Variants in PRKCH observed in about 807,000 individuals in gnomAD.
PRKCH encodes protein kinase C eta.
In PRKCH, 28 loss-of-function variants were observed where a neutral mutation model predicts 82.5. That is an observed-to-expected ratio of 0.34 (90% CI 0.25 to 0.47). PRKCH has a LOEUF of 0.47. Ranked by LOEUF, PRKCH falls within the 20% of genes least tolerant of loss-of-function variation. PRKCH has a pLI of 1.00. For missense variants in PRKCH, 705 were observed against 881.8 expected (o/e 0.80, Z 2.54); for synonymous variants, 322 against 327.4 (o/e 0.98, Z 0.18).
intron 1 of PRKCH, among the ~76,000 whole-genome samples, chr14:61,261,950 G>A (rs957889923): frequency 1.3e-5 from 2 of 151,906 alleles, no homozygotes; most frequent in African/African-American, 4.8e-5. Context: ...CACCGGGCAC[G>A]GTAGCTCACG....
chr14:61,528,214 G>C (rs944268873), intron 10 of PRKCH, among the ~76,000 whole-genome samples: 2 of 147,152 alleles, frequency 1.4e-5, no homozygotes, highest in Non-Finnish European at 3.0e-5. Context: ...TCATTTTAGA[G>C]ACAGGGTCTC....
chr14:61,350,552 T>G (rs2046058985), intron 1 of PRKCH, among the ~76,000 whole-genome samples: 1 of 152,126 alleles, frequency 6.6e-6, no homozygotes, highest in Admixed American at 6.5e-5. Context: ...GGCTAGAAAT[T>G]ACAACAGAGA....
chr14:61,442,264 G>A (rs1884009930), intron 2 of PRKCH, among the ~76,000 whole-genome samples: 1 of 152,180 alleles, frequency 6.6e-6, no homozygotes, highest in Non-Finnish European at 1.5e-5. Context: ...AGAAGCCACT[G>A]TTTTAAAAGC....
At chr14:61,505,395 C>CTTTTTTTTTTTTTTTTTTTTTTTTTTT (rs60304150) in intron 10 of PRKCH, among the ~76,000 whole-genome samples, 13 of 55,766 alleles carry the variant, frequency 2.3e-4, no homozygotes, top group Admixed American at 3.0e-4. Flanking sequence ...CTTTTCTTTT[C>CTTTTTTTTTTTTTTTTTTTTTTTTTTT]TTTTTTTTTT....
At chr14:61,298,665 T>C (rs2045424340) in intron 1 of PRKCH, 1 of 152,240 alleles carries the variant, frequency 6.6e-6, no homozygotes, top group Admixed American at 6.5e-5. Flanking sequence ...AACTTTGTCA[T>C]GTGGCCCTGT....
chr14:61,286,071 C>CAA (rs2045311383), intron 1 of PRKCH, among the ~76,000 whole-genome samples: 1 of 152,194 alleles, frequency 6.6e-6, no homozygotes, highest in South Asian at 2.1e-4. Context: ...TCTGGCTGTT[C>CAA]TCAGTTTTTG....
At chr14:61,374,271 G>A (rs573772564) in intron 1 of PRKCH, among the ~76,000 whole-genome samples, 42 of 152,156 alleles carry the variant, frequency 2.8e-4, no homozygotes, top group Non-Finnish European at 5.6e-4. Flanking sequence ...CAGCCCCTGC[G>A]ACTGCTTTCG....
intron 2 of PRKCH, among the ~76,000 whole-genome samples, chr14:61,437,109 A>G (rs546437433): frequency 1.3e-5 from 2 of 152,390 alleles, no homozygotes; most frequent in South Asian, 4.1e-4. Context: ...ATATAAAACC[A>G]GGATTGTAAA....
intron 9 of PRKCH, among the ~76,000 whole-genome samples, chr14:61,461,716 A>G (rs1434016972): frequency 6.6e-6 from 1 of 152,240 alleles, no homozygotes; most frequent in African/African-American, 2.4e-5. Flanking sequence ...AGATCTCATC[A>G]ACAGATCATG....
At chr14:61,249,898 C>T (rs1355150597) in intron 1 of PRKCH, among the ~76,000 whole-genome samples, 1 of 151,038 alleles carries the variant, frequency 6.6e-6, no homozygotes, top group South Asian at 2.1e-4. Context: ...GGATTACAGG[C>T]GTGAGCCACC....
chr14:61,507,528 A>G (rs886252735), intron 10 of PRKCH, among the ~76,000 whole-genome samples: 6 of 152,200 alleles, frequency 3.9e-5, no homozygotes, highest in African/African-American at 1.4e-4. Flanking sequence ...TATGGAAACA[A>G]TCTAAATGTC....
chr14:61,479,563 T>A (rs1200508968), intron 9 of PRKCH, among the ~76,000 whole-genome samples: 1 of 152,180 alleles, frequency 6.6e-6, no homozygotes, highest in East Asian at 1.9e-4. Flanking sequence ...ACTGGTACCA[T>A]CCTGGCATAG....
chr14:61,387,378 A>G (rs939289300), intron 1 of PRKCH, among the ~76,000 whole-genome samples: 1 of 152,224 alleles, frequency 6.6e-6, no homozygotes, highest in African/African-American at 2.4e-5. Context: ...ACTACATGTG[A>G]GGGAGGAGTA....
chr14:61,246,984 G>A (rs2044890256), intron 1 of PRKCH, among the ~76,000 whole-genome samples: 1 of 152,134 alleles, frequency 6.6e-6, no homozygotes, highest in African/African-American at 2.4e-5. Flanking sequence ...TTGAGAAACA[G>A]CTCAGGGTAA....
rs749558601 is a variant in PRKCH at position 61,453,278 on chromosome 14, T to C, written c.885T>C (p.Cys295=). The C allele has an allele frequency of 6.8e-6, 11 of 1,614,182 alleles. No homozygotes were observed. Among genetic ancestry groups the C allele is most frequent in the Non-Finnish European group, 8.5e-6 (10 of 1,180,030 alleles). The part of the protein sequence containing the change: ...IRCQANVAPN[C]GVNAVELAKT... ...GTCAAGCGAACGTGGCCCCTAACTGTGGGGTAAATGCGGTGGAACTTGCCA... is the reference window on the plus strand; with the variant it reads ...GTCAAGCGAACGTGGCCCCTAACTGCGGGGTAAATGCGGTGGAACTTGCCA... The change falls in exon 7 of 14, where the codon TGT becomes TGC. Residue 295 remains cysteine (C), a synonymous_variant. Coordinates refer to ENST00000332981, the MANE Select transcript of PRKCH (RefSeq NM_006255.5).
At chr14:61,539,279 C>T (rs1033171891) in intron 12 of PRKCH, among the ~76,000 whole-genome samples, 3 of 152,054 alleles carry the variant, frequency 2.0e-5, no homozygotes, top group African/African-American at 7.2e-5. Flanking sequence ...GTGTTGGGAG[C>T]CTTGGAAAGG....
At chr14:61,322,543 C>T in intron 1 of PRKCH, 79 bp downstream of exon 1, 1 of 1,502,812 alleles carries the variant, frequency 6.7e-7, no homozygotes, top group Non-Finnish European at 8.9e-7. Flanking sequence ...ACCCGGGTCC[C>T]GCTTTCCCAT....
chr14:61,304,277 G>A (rs1188341092), intron 1 of PRKCH: 1 of 151,790 alleles, frequency 6.6e-6, no homozygotes, highest in African/African-American at 2.4e-5. Context: ...TACATGAATT[G>A]AGAGTCCTAC....
At chr14:61,453,383 T>C (rs772766857) in intron 7 of PRKCH, 30 bp downstream of exon 7, 8 of 1,605,754 alleles carry the variant, frequency 5.0e-6, no homozygotes, top group Non-Finnish European at 6.0e-6. Flanking sequence ...CCATGTCTCG[T>C]AATTTAGAAG....
Sources: allele counts gnomAD v4.1 joint callset (sites outside exome capture counted in the v4.1 genomes callset), GRCh38; gene constraint gnomAD v4.1.1; transcripts MANE v1.5; gene names NCBI Gene and HGNC (gene_info 2026-07-23, HGNC 2026-07-21).